EXOC4: variants seen among roughly 807,000 people sequenced by gnomAD.
The protein encoded by EXOC4 is SEC8-like 1.
EXOC4 carries 71 observed loss-of-function variants against 107.2 expected under a neutral mutation model. That is an observed-to-expected ratio of 0.66 (90% confidence interval 0.55 to 0.81). The LOEUF is 0.81. Ranked by LOEUF, EXOC4 falls within the 30% of genes least tolerant of loss-of-function variation. The pLI, the probability that EXOC4 is intolerant of heterozygous loss-of-function variation, is 0.00. For synonymous variants in EXOC4, 456 were observed against 441.2 expected (o/e 1.03, Z -0.42); for missense variants, 1,108 against 1,189.6 (o/e 0.93, Z 1.01).
chr7:134,015,949 G>A (rs943635937), intron 17 of EXOC4, among the ~76,000 whole-genome samples: 10 of 151,868 alleles, frequency 6.6e-5, no homozygotes, highest in African/African-American at 2.2e-4. Flanking sequence ...AGTGGGGATG[G>A]AGGAGACATA....
intron 14 of EXOC4, among the ~76,000 whole-genome samples, chr7:133,979,034 G>A (rs1029674593): frequency 1.8e-4 from 28 of 152,296 alleles, no homozygotes; most frequent in East Asian, 5.8e-4. Flanking sequence ...TTCCAAGAAA[G>A]CAGATAAAAT....
intron 10 of EXOC4, among the ~76,000 whole-genome samples, chr7:133,773,402 A>G (rs1021443222): frequency 6.6e-5 from 10 of 151,922 alleles, no homozygotes; most frequent in Admixed American, 3.3e-4. Flanking sequence ...TTCCCCTTGA[A>G]AGAAAACCTT....
At chr7:133,794,556 A>G (rs1399306247) in intron 10 of EXOC4, among the ~76,000 whole-genome samples, 1 of 152,146 alleles carries the variant, frequency 6.6e-6, no homozygotes, top group Non-Finnish European at 1.5e-5. Flanking sequence ...AGGCTATTCC[A>G]TCTTTTCTCT....
chr7:133,838,366 A>C (rs916937107), intron 11 of EXOC4, among the ~76,000 whole-genome samples: 5 of 151,958 alleles, frequency 3.3e-5, no homozygotes, highest in African/African-American at 1.2e-4. Flanking sequence ...TTTAATAGAA[A>C]TCTCTCCCCT....
intron 9 of EXOC4, chr7:133,480,476 GT>G: frequency 2.7e-6 from 3 of 1,093,234 alleles, no homozygotes; most frequent in Non-Finnish European, 3.4e-6. Flanking sequence ...TCTAATTGTT[GT>G]TTTTGACACC....
chr7:133,638,993 T>G (rs980289614), intron 10 of EXOC4, among the ~76,000 whole-genome samples: 1 of 152,200 alleles, frequency 6.6e-6, no homozygotes, highest in Non-Finnish European at 1.5e-5. Context: ...ATTCTGAACA[T>G]GTGTTCGTCT....
chr7:133,268,406 G>A (rs1400050148), intron 1 of EXOC4, among the ~76,000 whole-genome samples: 1 of 152,156 alleles, frequency 6.6e-6, no homozygotes, highest in Non-Finnish European at 1.5e-5. Flanking sequence ...CTTGAGTGAT[G>A]AATCACTTTT....
chr7:133,631,177 G>A (rs564913649), intron 10 of EXOC4, among the ~76,000 whole-genome samples: 2 of 152,022 alleles, frequency 1.3e-5, no homozygotes, highest in South Asian at 2.1e-4. Context: ...TGGCATTTTC[G>A]CATAATAGAG....
At chr7:133,572,579 T>C (rs1238489859) in intron 9 of EXOC4, among the ~76,000 whole-genome samples, 3 of 152,146 alleles carry the variant, frequency 2.0e-5, no homozygotes, top group African/African-American at 7.2e-5. Flanking sequence ...ATTTCTAGCA[T>C]TTGAAAGGTT....
chr7:133,548,428 C>T (rs1175437527), intron 9 of EXOC4, among the ~76,000 whole-genome samples: 2 of 152,200 alleles, frequency 1.3e-5, no homozygotes, highest in African/African-American at 2.4e-5. Context: ...TCCTTTGAAG[C>T]TTTGAAGCCA....
intron 13 of EXOC4, among the ~76,000 whole-genome samples, chr7:133,934,210 A>G (rs991897129): frequency 3.9e-5 from 6 of 152,188 alleles, no homozygotes; most frequent in South Asian, 2.1e-4. Context: ...TCTGTAGTCA[A>G]ACAGCTAAAG....
chr7:133,830,875 C>T (rs1488501119), intron 11 of EXOC4, among the ~76,000 whole-genome samples: 1 of 152,166 alleles, frequency 6.6e-6, no homozygotes, highest in East Asian at 1.9e-4. Flanking sequence ...CGGGATACCA[C>T]AATACATTTT....
intron 10 of EXOC4, among the ~76,000 whole-genome samples, chr7:133,706,160 C>T (rs1446133646): frequency 2.0e-5 from 3 of 152,068 alleles, no homozygotes; most frequent in African/African-American, 7.2e-5. Context: ...TTGATGACCA[C>T]CATGTGTATG....
chr7:133,853,988 CTG>C (rs1798295330), intron 11 of EXOC4, among the ~76,000 whole-genome samples: 1 of 152,138 alleles, frequency 6.6e-6, no homozygotes, highest in Non-Finnish European at 1.5e-5. Flanking sequence ...AAAACATTGA[CTG>C]TTTCCATTTG....
intron 9 of EXOC4, among the ~76,000 whole-genome samples, chr7:133,552,228 C>T (rs1157687208): frequency 6.6e-6 from 1 of 152,082 alleles, no homozygotes; most frequent in Non-Finnish European, 1.5e-5. Context: ...GGTATTCAGA[C>T]CTCATAAAAA....
At chr7:133,286,978 A>G (rs543354627) in intron 2 of EXOC4, among the ~76,000 whole-genome samples, 12 of 152,284 alleles carry the variant, frequency 7.9e-5, no homozygotes, top group African/African-American at 1.9e-4. Context: ...GAATACTCCT[A>G]TAGAAACTTT....
At chr7:133,884,363 A>G (rs1203537666) in intron 11 of EXOC4, among the ~76,000 whole-genome samples, 3 of 152,136 alleles carry the variant, frequency 2.0e-5, no homozygotes, top group African/African-American at 7.2e-5. Context: ...TGGCAACCTT[A>G]ATGTAACCCA....
intron 8 of EXOC4, among the ~76,000 whole-genome samples, chr7:133,477,387 T>C (rs1229089399): frequency 6.6e-6 from 1 of 152,216 alleles, no homozygotes; most frequent in Non-Finnish European, 1.5e-5. Flanking sequence ...TTTTCCAGAA[T>C]GTTGTATAGT....
At chr7:133,938,092 T>G (rs757600182) in intron 14 of EXOC4, 23 bp downstream of exon 14, 6 of 1,612,876 alleles carry the variant, frequency 3.7e-6, no homozygotes, top group African/African-American at 1.3e-5. Flanking sequence ...TAGGAAGCTG[T>G]TGTGGGGACA....
Sources: gnomAD v4.1 joint callset for allele counts (sites outside exome capture counted in the v4.1 genomes callset) on GRCh38, gnomAD v4.1.1 for gene constraint, MANE v1.5 for transcripts, NCBI Gene and HGNC (gene_info 2026-07-23, HGNC 2026-07-21) for gene names.